Variants in KCNH3 observed in about 807,000 individuals in gnomAD.
KCNH3 encodes potassium voltage-gated channel subfamily H member 3, also known as voltage-gated inwardly rectifying potassium channel KCNH3.
A neutral mutation model predicts 95.6 loss-of-function variants in KCNH3; 36 were observed. The observed-to-expected ratio is 0.38, with a 90% CI of 0.29 to 0.50. KCNH3 has a LOEUF of 0.50. Among genes scored for constraint, KCNH3 ranks in the 20% least tolerant of loss-of-function variants. The pLI is 0.95. For synonymous variants in KCNH3, 620 were observed against 646.3 expected (o/e 0.96, Z 0.62); for missense variants, 1,030 against 1,484.1 (o/e 0.69, Z 5.03).
chr12:49,543,456 C>T lies in KCNH3; in HGVS notation c.761C>T (p.Pro254Leu), dbSNP rs769595336. The change falls in exon 5 of 15, where the codon CCC (proline) becomes CTC (leucine). Residue 254 changes from proline (P) to leucine (L), a missense_variant. Pro to Leu is a moderately conservative substitution (Grantham distance 98, BLOSUM62 -3). Transcript: ENST00000257981. ...YSVCVSTARE[P>L]SAARGPPSVC... Reference sequence around the variant, plus strand: ...GTGTGTGTGAGCACAGCACGGGAGCCCAGTGCCGCCCGCGGCCCGCCCAGC... The same window carrying T: ...GTGTGTGTGAGCACAGCACGGGAGCTCAGTGCCGCCCGCGGCCCGCCCAGC... 4 of 1,603,284 alleles carry T rather than the reference C, an allele frequency of 2.5e-6. No homozygotes were observed. Among genetic ancestry groups the T allele is most frequent in the Non-Finnish European group, 3.4e-6 (4 of 1,179,484 alleles).
In KCNH3 at chr12:49,557,806, G is replaced by A. The variant is rs375745147; in HGVS notation, c.3105G>A (p.Gln1035=). 11 of 1,605,298 alleles carry A rather than the reference G, an allele frequency of 6.9e-6. No homozygotes were observed. Among genetic ancestry groups the A allele is most frequent in the African/African-American group, 1.3e-5 (1 of 74,790 alleles). ...ARTGPAEPVS[Q]AEATSTGEPP... is the part of the protein sequence containing the mutation. ...CTGGGCCCGCAGAGCCTGTGAGCCA[G>A]GCTGAGGCTACCAGCACTGGAGAGC... Residue 1035 remains glutamine (Q), a synonymous_variant, in exon 15 of 15, where the codon CAG becomes CAA. Transcript: ENST00000257981.
chr12:49,541,092 C>G lies in KCNH3; in HGVS notation c.270C>G (p.His90Gln). 1.2e-6 allele frequency: 2 copies of G among 1,609,644 alleles called. No individual in the cohort carries two copies. ...AGATCCGCAAGGCCCTGGACGAGCACAAGGAGTTCAAGGCTGAGCTGATCC... is the reference window on the plus strand; with the variant it reads ...AGATCCGCAAGGCCCTGGACGAGCAGAAGGAGTTCAAGGCTGAGCTGATCC... ...RQQIRKALDE[H>Q]KEFKAELILY... is the part of the protein sequence containing the mutation. The change falls in exon 2 of 15, where the codon CAC (histidine) becomes CAG (glutamine). Residue 90 changes from histidine (H) to glutamine (Q), a missense_variant. By Grantham distance (24) the His-to-Gln change is conservative. Coordinates refer to ENST00000257981, the MANE Select transcript of KCNH3 (RefSeq NM_012284.3).
Position 49,553,322 on chromosome 12 carries a change from T to C in KCNH3, c.1919-1015T>C, listed in dbSNP as rs568545957. On this transcript the variant is annotated intron_variant, in intron 10 of 14. Coordinates refer to ENST00000257981, the MANE Select transcript of KCNH3 (RefSeq NM_012284.3). ...AGCTTAATTTTTGCTGCTGTTGTTG[T>C]TGTTGTTTGAGACAGGGTTTTGCCA... Among the ~76,000 whole-genome samples the C allele has an allele frequency of 3.7e-4, 57 of 152,254 alleles. No individual in the cohort carries two copies. The South Asian group carries it at 0.012, about 31-fold the overall frequency.
Position 49,557,587 on chromosome 12 carries a change from C to G in KCNH3, c.2886C>G (p.Pro962=), listed in dbSNP as rs369701960. 1.4e-4 allele frequency: 222 copies of G among 1,613,014 alleles called. No individual in the cohort carries two copies. Among genetic ancestry groups the G allele is most frequent in the Middle Eastern group, 1.2e-3 (7 of 6,062 alleles). ...PAGSVLSGTW[P]HPRPGPPPLM... is the part of the protein sequence containing the mutation. ...GCTCTGTCTTGAGTGGGACTTGGCC[C>G]CACCCTCGTCCGGGGCCTCCTCCCC... is the stretch of plus-strand genomic sequence containing the variant. Residue 962 remains proline, a synonymous_variant, in exon 15 of 15, where the codon CCC becomes CCG. Transcript: ENST00000257981.
In KCNH3 at chr12:49,543,944, G is replaced by A; in HGVS notation, c.853G>A (p.Val285Met). Residue 285 changes from valine to methionine, a missense_variant, in exon 6 of 15, where the codon GTG (valine) becomes ATG (methionine). By Grantham distance (21) the Val-to-Met change is conservative. Transcript: ENST00000257981. ...DIVLNFRTTF[V>M]SKSGQVVFAP... ...TGTGCTGAATTTCCGTACCACATTC[G>A]TGTCCAAGTCGGGCCAGGTGGTGTT... The A allele has an allele frequency of 1.2e-6, 2 of 1,612,018 alleles. No homozygotes were observed. Among genetic ancestry groups the A allele is most frequent in the South Asian group, 2.2e-5 (2 of 91,054 alleles).
rs1415423164 is a variant in KCNH3 at position 49,549,521 on chromosome 12, C to A, written c.1549C>A (p.Arg517Ser). ...MYARRFLYHS[R>S]TRDLRDYIRI... ...CGCCCGCCGCTTTCTGTACCACAGCCGCACGCGCGACCTGCGCGACTACAT... is the reference window on the plus strand; with the variant it reads ...CGCCCGCCGCTTTCTGTACCACAGCAGCACGCGCGACCTGCGCGACTACAT... The change falls in exon 9 of 15, where the codon CGC becomes AGC. Residue 517 changes from arginine to serine, a missense_variant. This residue lies in a region of KCNH3 where 160 missense variants were observed against 316.2 expected (regional missense o/e 0.51). Transcript: ENST00000257981. 6.2e-7 allele frequency: 1 copy of A among 1,613,746 alleles called. No homozygotes were observed. Among genetic ancestry groups the A allele is most frequent in the South Asian group, 1.1e-5 (1 of 91,090 alleles).
chr12:49,539,855 G>C lies in KCNH3; in HGVS notation c.76+363G>C, dbSNP rs1402557133. Among the ~76,000 whole-genome samples, 3 of 152,200 alleles carry C rather than the reference G, an allele frequency of 2.0e-5. No individual in the cohort carries two copies. Among genetic ancestry groups the C allele is most frequent in the Non-Finnish European group, 2.9e-5 (2 of 68,032 alleles). On this transcript the variant is annotated intron_variant, in intron 1 of 14. Transcript: ENST00000257981. This position sits in a 1 kb window ranked among gnomAD's most constrained non-coding sequence, Gnocchi z 6.7. ...CGGACTGGTGGGGTAAGGCGAGGCG[G>C]GTGAACAGTGCTCAGGGACAGCTGA...
At position 49,544,210 on chromosome 12, in the gene KCNH3, G is replaced by A. The variant is rs753929328; in HGVS notation, c.1017G>A (p.Leu339=). The A allele has an allele frequency of 6.4e-7, 1 of 1,570,150 alleles. No individual in the cohort carries two copies. Among genetic ancestry groups the A allele is most frequent in the Non-Finnish European group, 8.6e-7 (1 of 1,160,618 alleles). The change falls in exon 7 of 15, where the codon CTG becomes CTA. Residue 339 remains leucine (L), a synonymous_variant. Transcript: ENST00000257981. ...CCCATCTGCTGAAGACGGTGCGCCTGCTGCGCCTGCTGCGCCTGCTTCCGC... is the reference window on the plus strand; with the variant it reads ...CCCATCTGCTGAAGACGGTGCGCCTACTGCGCCTGCTGCGCCTGCTTCCGC... ...FGAHLLKTVR[L]LRLLRLLPRL...
chr12:49,556,715 AG>A (rs1565783538), intron 13 of KCNH3: 2 of 691,708 alleles, frequency 2.9e-6, no homozygotes, highest in Non-Finnish European at 5.3e-6. Flanking sequence ...GCTTTCTAGC[AG>A]TGTGAATTTG....
intron 4 of KCNH3, 84 bp downstream of exon 4, chr12:49,542,923 A>C (rs1224916212): frequency 6.6e-7 from 1 of 1,518,542 alleles, no homozygotes; most frequent in African/African-American, 1.4e-5. Flanking sequence ...CCACAGAGAG[A>C]ATGTCCTAGG....
rs1420757811 is a variant in KCNH3 at position 49,554,938 on chromosome 12, A to G, written c.2136+384A>G. 2.0e-5 allele frequency among the ~76,000 whole-genome samples: 3 copies of G among 152,072 alleles called. No homozygotes were observed. In the East Asian group the frequency reaches 5.8e-4, roughly 29 times the overall value. ...GCCTGGTGGCCCCCTGTGTTTTTTC[A>G]TGGTGAAACAGGATTGTTCTGAGGG... On this transcript the variant is annotated intron_variant, in intron 11 of 14. Transcript: ENST00000257981.
Position 49,557,256 on chromosome 12 carries a change from G to C in KCNH3, c.2649G>C (p.Gln883His). Residue 883 changes from glutamine to histidine, a missense_variant, in exon 14 of 15, where the codon CAG becomes CAC. Physicochemically the swap from Gln to His is conservative, Grantham distance 24. Transcript: ENST00000257981. ...RNTDTLDKLR[Q>H]AVTELSEQVL... ...CAGACACACTGGACAAGCTTCGGCA[G>C]GCGGTGGGTGAGGGGGAAGGTGGAG... 6.2e-7 allele frequency: 1 copy of C among 1,614,020 alleles called. No individual in the cohort carries two copies. The highest frequency in any genetic ancestry group is 8.5e-7 in the Non-Finnish European group (1 of 1,179,990).
chr12:49,548,686 T>C (rs1411439678), intron 7 of KCNH3, among the ~76,000 whole-genome samples: 1 of 152,138 alleles, frequency 6.6e-6, no homozygotes, highest in African/African-American at 2.4e-5. Context: ...CCTTGTGTCA[T>C]CCTCAGTGCC....
At chr12:49,542,639 A>G (rs1400952415) in intron 3 of KCNH3, 67 bp from the exon 4 acceptor site, 9 of 1,500,332 alleles carry the variant, frequency 6.0e-6, no homozygotes, top group South Asian at 1.3e-5. Context: ...TGTGTCCTAC[A>G]CCTGACCCGG....
intron 11 of KCNH3, among the ~76,000 whole-genome samples, chr12:49,555,284 C>CAAAAAAAAAA (rs1157061451): frequency 1.5e-5 from 1 of 66,870 alleles, no homozygotes; most frequent in Non-Finnish European, 3.0e-5. Flanking sequence ...ACTAAAAATA[C>CAAAAAAAAAA]AAAAAAAAAA....
rs768658333 is a variant in KCNH3, at chr12:49,541,140, G to C, written c.310+8G>C. The stretch of plus-strand genomic sequence containing the variant: ...TCCTGTACCGGAAGAGCGGTGAGGG[G>C]CCACCTGGCCAGCCTGCCTCACCTT... On this transcript the variant is annotated splice_region_variant and intron_variant, in intron 2 of 14. Transcript: ENST00000257981. The C allele has an allele frequency of 6.3e-7, 1 of 1,591,804 alleles. No homozygotes were observed. Among genetic ancestry groups the C allele is most frequent in the Non-Finnish European group, 8.5e-7 (1 of 1,173,000 alleles).
At chr12:49,554,594 C>A in intron 11 of KCNH3, 40 bp downstream of exon 11, 2 of 1,549,846 alleles carry the variant, frequency 1.3e-6, no homozygotes, top group Non-Finnish European at 1.8e-6. Flanking sequence ...GATGGGGGTG[C>A]CAGGGAGCCT....
intron 10 of KCNH3, among the ~76,000 whole-genome samples, chr12:49,553,423 T>C (rs1036414633): frequency 6.6e-6 from 1 of 152,156 alleles, no homozygotes; most frequent in Non-Finnish European, 1.5e-5. Flanking sequence ...CTGGGAGTCA[T>C]TGTGCCTGGC....
Position 49,556,388 on chromosome 12 carries a change from A to G in KCNH3, c.2487A>G (p.Glu829=). The stretch of plus-strand genomic sequence containing the variant: ...TTCACAGGGTAGTAGATGGCATTGA[A>G]GACGGCTGTGGCTCGGACCAGCCCA... The part of the protein sequence containing the change: ...DLSPRVVDGI[E]DGCGSDQPKF... Residue 829 remains glutamate (E), a synonymous_variant, in exon 13 of 15, where the codon GAA becomes GAG. Transcript: ENST00000257981. The G allele has an allele frequency of 6.2e-7, 1 of 1,613,666 alleles. No homozygotes were observed. The highest frequency in any genetic ancestry group is 1.7e-4 in the Middle Eastern group (1 of 6,060).
Sources: gnomAD v4.1 joint callset for allele counts (sites outside exome capture counted in the v4.1 genomes callset) on GRCh38, gnomAD v4.1.1 for gene constraint, gnomAD v4.1.1 regional missense constraint, Gnocchi (gnomAD v3.1) non-coding constraint, MANE v1.5 for transcripts, NCBI Gene and HGNC (gene_info 2026-07-23, HGNC 2026-07-21) for gene names.